The following ELMOD1 variants were observed in gnomAD, a reference collection of about 807,000 sequenced individuals.
The protein encoded by ELMOD1 is ELMO domain containing 1.
In ELMOD1, 21 loss-of-function variants were observed where a neutral mutation model predicts 46.7. The ratio of observed to expected loss-of-function variants is 0.45; its 90% CI spans 0.32 to 0.65. The LOEUF is 0.65. Ranked by LOEUF, ELMOD1 falls within the 30% of genes least tolerant of loss-of-function variation. The pLI is 0.04. For missense variants in ELMOD1, 348 were observed against 407.8 expected (o/e 0.85, Z 1.26); for synonymous variants, 122 against 138.2 (o/e 0.88, Z 0.82).
At chr11:107,632,294 A>G (rs928681315) in intron 5 of ELMOD1, among the ~76,000 whole-genome samples, 3 of 152,244 alleles carry the variant, frequency 2.0e-5, no homozygotes, top group Non-Finnish European at 4.4e-5. Context: ...AAAATTTTGC[A>G]CTGAGGACAC....
chr11:107,626,490 C>A (rs1866043577), intron 2 of ELMOD1, among the ~76,000 whole-genome samples: 1 of 151,652 alleles, frequency 6.6e-6, no homozygotes, highest in Non-Finnish European at 1.5e-5. Flanking sequence ...TTCTTTCTCC[C>A]TTCCTTATTC....
At chr11:107,594,908 CCTAGT>C (rs1482516089) in intron 1 of ELMOD1, among the ~76,000 whole-genome samples, 1 of 152,148 alleles carries the variant, frequency 6.6e-6, no homozygotes, top group Admixed American at 6.5e-5. Flanking sequence ...CCACAGAGGA[CCTAGT>C]CAGAATGTTC....
rs1275941180 is a variant in ELMOD1 at position 107,647,612 on chromosome 11, T to C, written c.554+11T>C. 3.2e-5 allele frequency: 51 copies of C among 1,610,296 alleles called. No homozygotes were observed. The highest frequency in any genetic ancestry group is 4.2e-5 in the Non-Finnish European group (50 of 1,178,590). ...ACTGTACAATTTGCAGTAAGTAAAA[T>C]GAAGGACAGCTAAGTGTTCGAGTGA... On this transcript the variant is annotated intron_variant, in intron 7 of 11. Coordinates refer to ENST00000265840, the MANE Select transcript of ELMOD1 (RefSeq NM_018712.4).
intron 6 of ELMOD1, among the ~76,000 whole-genome samples, chr11:107,645,187 T>C (rs564081722): frequency 6.7e-6 from 1 of 148,550 alleles, no homozygotes; most frequent in Non-Finnish European, 1.5e-5. Context: ...TCCACCCGCC[T>C]CTACCTCCCA....
intron 4 of ELMOD1, 28 bp downstream of exon 4, chr11:107,630,756 T>C: frequency 7.6e-6 from 12 of 1,578,462 alleles, no homozygotes; most frequent in Non-Finnish European, 1.0e-5. Context: ...TCAGCAGCTT[T>C]TTTTTCACTT....
chr11:107,655,932 G>A lies in ELMOD1; in HGVS notation c.699-1G>A, dbSNP rs1321461577. 1 of 1,606,538 alleles carries A rather than the reference G, an allele frequency of 6.2e-7. No individual in the cohort carries two copies. The highest frequency in any genetic ancestry group is 8.5e-7 in the Non-Finnish European group (1 of 1,176,086). On this transcript the variant is annotated splice_acceptor_variant, in intron 10 of 11. Coordinates refer to ENST00000265840, the MANE Select transcript of ELMOD1 (RefSeq NM_018712.4). LOFTEE classifies it high-confidence loss of function. ...TTGGTTTTGTGGTTTATACTTTATA[G>A]GTACTCATTTGCAATTGTGGGCATC...
chr11:107,645,878 GC>G (rs1217753715), intron 6 of ELMOD1, among the ~76,000 whole-genome samples: 1 of 152,120 alleles, frequency 6.6e-6, no homozygotes, highest in Non-Finnish European at 1.5e-5. Context: ...ATGAATAACA[GC>G]TTTTATTAGT....
intron 1 of ELMOD1, among the ~76,000 whole-genome samples, chr11:107,606,074 C>T (rs1865680536): frequency 6.6e-6 from 1 of 152,000 alleles, no homozygotes; most frequent in Admixed American, 6.6e-5. Flanking sequence ...CCCGTTCCTT[C>T]TCTCCTCTCT....
At chr11:107,636,401 GC>G (rs1301131821) in intron 6 of ELMOD1, among the ~76,000 whole-genome samples, 2 of 152,116 alleles carry the variant, frequency 1.3e-5, no homozygotes, top group African/African-American at 4.8e-5. Context: ...TGAGTTTGGG[GC>G]TAAAGAAATT....
intron 1 of ELMOD1, among the ~76,000 whole-genome samples, chr11:107,595,427 G>A (rs563403877): frequency 6.6e-6 from 1 of 152,170 alleles, no homozygotes; most frequent in South Asian, 2.1e-4. Flanking sequence ...GATAGTATAT[G>A]ATAAAAAAAT....
chr11:107,626,761 A>G (rs1281953097), intron 2 of ELMOD1, among the ~76,000 whole-genome samples: 4 of 152,116 alleles, frequency 2.6e-5, no homozygotes, highest in Non-Finnish European at 5.9e-5. Context: ...TCAAACCAAT[A>G]TAACATTCTC....
chr11:107,649,502 C>T (rs895318110), intron 7 of ELMOD1, among the ~76,000 whole-genome samples: 5 of 152,210 alleles, frequency 3.3e-5, no homozygotes, highest in Non-Finnish European at 2.9e-5. Flanking sequence ...TATTTGAGGA[C>T]ATTTTTAGAC....
chr11:107,591,693 C>T (rs1362171733), intron 1 of ELMOD1: 2 of 364,116 alleles, frequency 5.5e-6, no homozygotes, highest in Non-Finnish European at 5.7e-6. Context: ...CATCTCGGCC[C>T]GGGCGTAGGT....
intron 1 of ELMOD1, among the ~76,000 whole-genome samples, chr11:107,602,190 T>C (rs1219294575): frequency 6.6e-6 from 1 of 152,248 alleles, no homozygotes; most frequent in Non-Finnish European, 1.5e-5. Context: ...TCTGTGTTCC[T>C]GTTGACAAAA....
intron 1 of ELMOD1, among the ~76,000 whole-genome samples, chr11:107,610,815 C>A (rs1215377306): frequency 1.3e-5 from 2 of 151,736 alleles, no homozygotes; most frequent in Non-Finnish European, 2.9e-5. Context: ...GAATGCTATG[C>A]AGAAGAAGAG....
At chr11:107,598,274 A>C (rs1865527632) in intron 1 of ELMOD1, among the ~76,000 whole-genome samples, 2 of 152,160 alleles carry the variant, frequency 1.3e-5, no homozygotes, top group African/African-American at 2.4e-5. Flanking sequence ...GTGTAATTCC[A>C]GTCCAAGGGC....
intron 6 of ELMOD1, among the ~76,000 whole-genome samples, chr11:107,644,253 G>A (rs1866377735): frequency 2.0e-5 from 3 of 151,450 alleles, no homozygotes. Flanking sequence ...CTGAGATCAT[G>A]CCACTACACT....
Position 107,665,286 on chromosome 11 carries a change from GCA to G in ELMOD1, c.*94_*95del. The G allele has an allele frequency of 7.5e-7, 1 of 1,334,268 alleles. No homozygotes were observed. Among genetic ancestry groups the G allele is most frequent in the East Asian group, 2.3e-5 (1 of 43,290 alleles). The allele number at this position is 1,334,268 out of a possible 1,614,324, so 82.7% of individuals were successfully genotyped here. ...TTAGGTCGCAGCTCACGCATTGAAT[GCA>G]CACAGTGATTGTATGCATGCCTTTT... On this transcript the variant is annotated 3_prime_UTR_variant, in exon 12 of 12. Transcript: ENST00000265840.
Position 107,665,338 on chromosome 11 carries a change from C to A in ELMOD1, c.*141C>A. 4.6e-6 allele frequency: 4 copies of A among 862,242 alleles called. No homozygotes were observed. The highest frequency in any genetic ancestry group is 5.0e-5 in the East Asian group (2 of 40,260). The allele number at this position is 862,242 out of a possible 1,614,324, so 53.4% of individuals were successfully genotyped here. ...TGGTACAGTGTTTTCATCTCTTGGT[C>A]ATAATTCCGAGATCCCCAGAGACCA... On this transcript the variant is annotated 3_prime_UTR_variant, in exon 12 of 12. Transcript: ENST00000265840.
Sources: allele counts gnomAD v4.1 joint callset (sites outside exome capture counted in the v4.1 genomes callset), GRCh38; gene constraint gnomAD v4.1.1; transcripts MANE v1.5; gene names NCBI Gene and HGNC (gene_info 2026-07-23, HGNC 2026-07-21).